The following PDCD1LG2 variants were observed in gnomAD, a reference collection of about 807,000 sequenced individuals.
PDCD1LG2 encodes the protein B7 dendritic cell molecule.
In PDCD1LG2, 32 loss-of-function variants were observed where a neutral mutation model predicts 28.2. The observed-to-expected ratio is 1.13, with a 90% CI of 0.86 to 1.52. The LOEUF (loss-of-function observed/expected upper bound fraction) is 1.52, where lower values mean the gene tolerates loss of function less well. Among genes scored for constraint, PDCD1LG2 ranks in the 40% most tolerant of loss-of-function variants. The pLI is 0.00. For missense variants in PDCD1LG2, 385 were observed against 323.8 expected, an observed-to-expected ratio of 1.19 and a Z score of -1.45; for synonymous variants, 116 against 120.2, an observed-to-expected ratio of 0.97 and a Z score of 0.23.
intron 3 of PDCD1LG2, among the ~76,000 whole-genome samples, chr9:5,539,021 T>C (rs147783011): frequency 3.5e-4 from 53 of 152,308 alleles, no homozygotes; most frequent in Non-Finnish European, 6.0e-4. Flanking sequence ...TATATACTGT[T>C]GTTAAATATT....
At chr9:5,565,567 C>G (rs1340400172) in intron 6 of PDCD1LG2, among the ~76,000 whole-genome samples, 1 of 152,178 alleles carries the variant, frequency 6.6e-6, no homozygotes, top group Admixed American at 6.6e-5. Flanking sequence ...ATTGTACACA[C>G]AATCTATACC....
rs1816282994 is a variant in PDCD1LG2 at position 5,549,550 on chromosome 9, G to C, written c.577G>C (p.Val193Leu). The C allele has an allele frequency of 1.9e-6, 3 of 1,614,116 alleles. No individual in the cohort carries two copies. The highest frequency in any genetic ancestry group is 2.5e-6 in the Non-Finnish European group (3 of 1,180,048). Residue 193 changes from valine (V) to leucine (L), a missense_variant, in exon 4 of 7, where the codon GTG becomes CTG. Coordinates refer to ENST00000397747, the MANE Select transcript of PDCD1LG2 (RefSeq NM_025239.4). The part of the protein sequence containing the change: ...KPPPGRNFSC[V>L]FWNTHVRELT... ...ACCCCCTGGCAGAAACTTCAGCTGT[G>C]TGTTCTGGAATACTCACGTGAGGGA... is the stretch of plus-strand genomic sequence containing the variant.
Position 5,510,762 on chromosome 9 carries a change from T to C in PDCD1LG2, c.-56T>C, listed in dbSNP as rs1453362358. On this transcript the variant is annotated 5_prime_UTR_variant, in exon 1 of 7. Coordinates refer to ENST00000397747, the MANE Select transcript of PDCD1LG2 (RefSeq NM_025239.4). ...CAAACAGCAACTGTTTTTTGTTGTT[T>C]ACTTTTGCATCTTTACTTGTGGAGC... 2 of 152,682 alleles carry C rather than the reference T, an allele frequency of 1.3e-5. No homozygotes were observed. The highest frequency in any genetic ancestry group is 3.8e-4 in the East Asian group (2 of 5,198). The allele number at this position is 152,682 out of a possible 1,614,324, so 9.5% of individuals were successfully genotyped here. A position where few individuals can be genotyped will look rare whatever the true frequency, so the allele number is the denominator to read the frequency against.
intron 1 of PDCD1LG2, among the ~76,000 whole-genome samples, chr9:5,512,900 G>C (rs1377884914): frequency 6.6e-6 from 1 of 151,906 alleles, no homozygotes; most frequent in African/African-American, 2.4e-5. Flanking sequence ...TCTTGTGCAT[G>C]GCTGATCAGC....
At chr9:5,543,538 C>CAAAAAAAAAAAAAAAAAAAAAAAAAAA (rs139524609) in intron 3 of PDCD1LG2, among the ~76,000 whole-genome samples, 1 of 73,692 alleles carries the variant, frequency 1.4e-5, no homozygotes. Context: ...GACTCCGTCT[C>CAAAAAAAAAAAAAAAAAAAAAAAAAAA]AAAAAAAAAA....
intron 2 of PDCD1LG2, among the ~76,000 whole-genome samples, chr9:5,525,973 G>C (rs1040398803): frequency 6.6e-6 from 1 of 151,384 alleles, no homozygotes; most frequent in African/African-American, 2.4e-5. Context: ...CTTGAACCAG[G>C]GAGTCGGAGG....
At chr9:5,530,097 G>C (rs1004941611) in intron 2 of PDCD1LG2, among the ~76,000 whole-genome samples, 1 of 152,086 alleles carries the variant, frequency 6.6e-6, no homozygotes, top group African/African-American at 2.4e-5. Flanking sequence ...GCTATCTTGG[G>C]AGGTAATGCA....
chr9:5,516,823 G>A (rs531002763), intron 1 of PDCD1LG2, among the ~76,000 whole-genome samples: 27 of 152,352 alleles, frequency 1.8e-4, no homozygotes, highest in East Asian at 9.6e-4. Flanking sequence ...GCCAGGAGTG[G>A]GAAGAGGCCA....
At chr9:5,536,646 G>C (rs181950663) in intron 3 of PDCD1LG2, among the ~76,000 whole-genome samples, 75 of 152,276 alleles carry the variant, frequency 4.9e-4, no homozygotes, top group Non-Finnish European at 8.7e-4. Flanking sequence ...CTCTCAAACT[G>C]AGAACTGTCT....
chr9:5,520,462 G>T (rs774914812), intron 1 of PDCD1LG2, among the ~76,000 whole-genome samples: 1 of 152,102 alleles, frequency 6.6e-6, no homozygotes, highest in Non-Finnish European at 1.5e-5. Context: ...TTTGTATATG[G>T]TATGAGGTAA....
At chr9:5,555,125 C>T (rs1563832222) in intron 4 of PDCD1LG2, among the ~76,000 whole-genome samples, 1 of 152,096 alleles carries the variant, frequency 6.6e-6, no homozygotes, top group Non-Finnish European at 1.5e-5. Flanking sequence ...TAAGAGTATG[C>T]CATTATTGGC....
intron 3 of PDCD1LG2, among the ~76,000 whole-genome samples, chr9:5,540,842 A>T (rs1820673655): frequency 6.6e-6 from 1 of 152,180 alleles, no homozygotes; most frequent in African/African-American, 2.4e-5. Flanking sequence ...AGAAAGAGGG[A>T]ATCCTCCCTA....
chr9:5,566,854 ATATACT>A (rs1180718191), intron 6 of PDCD1LG2, among the ~76,000 whole-genome samples: 2 of 152,192 alleles, frequency 1.3e-5, no homozygotes, highest in African/African-American at 4.8e-5. Context: ...CAAAATAAAA[ATATACT>A]TATGTATCAT....
At chr9:5,556,925 C>T (rs1238186955) in intron 4 of PDCD1LG2, among the ~76,000 whole-genome samples, 1 of 152,186 alleles carries the variant, frequency 6.6e-6, no homozygotes, top group African/African-American at 2.4e-5. Flanking sequence ...CTGATCCACC[C>T]TCTACTAAAC....
At chr9:5,564,052 AG>A (rs1450860197) in intron 6 of PDCD1LG2, among the ~76,000 whole-genome samples, 1 of 152,256 alleles carries the variant, frequency 6.6e-6, no homozygotes, top group Non-Finnish European at 1.5e-5. Context: ...TAATCATCAC[AG>A]GCACCAAGAG....
At chr9:5,515,644 G>C (rs1205397128) in intron 1 of PDCD1LG2, among the ~76,000 whole-genome samples, 2 of 152,148 alleles carry the variant, frequency 1.3e-5, no homozygotes, top group East Asian at 3.9e-4. Context: ...GGAGACACAA[G>C]CCAGGCACAG....
intron 2 of PDCD1LG2, among the ~76,000 whole-genome samples, chr9:5,531,862 G>A (rs1358726745): frequency 6.6e-6 from 1 of 152,198 alleles, no homozygotes. Context: ...TTATAGAAGA[G>A]TAAAAGTAGT....
chr9:5,555,903 C>T lies in PDCD1LG2; in HGVS notation c.632-1715C>T, dbSNP rs144568265. Reference sequence around the variant, plus strand: ...CATGTGTCCAGCTAATTCCCTAATACTAAAGTTGAAAGAAAGAATGGATTA... The same window carrying T: ...CATGTGTCCAGCTAATTCCCTAATATTAAAGTTGAAAGAAAGAATGGATTA... On this transcript the variant is annotated intron_variant, in intron 4 of 6. Transcript: ENST00000397747. Among the ~76,000 whole-genome samples, 526 of 152,274 alleles carry T rather than the reference C, an allele frequency of 3.5e-3. 2 individuals carry two copies. Among genetic ancestry groups the T allele is most frequent in the Non-Finnish European group, 5.9e-3 (400 of 68,018 alleles).
chr9:5,563,223 T>C lies in PDCD1LG2; in HGVS notation c.816+12T>C, dbSNP rs752618279. ...AAGTGAACAGTGCTGTGAGTAAGCATGATTTTTACTTTTCTTTCTTACTTT... is the reference window on the plus strand; with the variant it reads ...AAGTGAACAGTGCTGTGAGTAAGCACGATTTTTACTTTTCTTTCTTACTTT... On this transcript the variant is annotated intron_variant, in intron 6 of 6. Transcript: ENST00000397747. 3 of 1,603,370 alleles carry C rather than the reference T, an allele frequency of 1.9e-6. No individual in the cohort carries two copies. Among genetic ancestry groups the C allele is most frequent in the Non-Finnish European group, 1.7e-6 (2 of 1,171,754 alleles).
Sources: allele counts gnomAD v4.1 joint callset (sites outside exome capture counted in the v4.1 genomes callset), GRCh38; gene constraint gnomAD v4.1.1; transcripts MANE v1.5; gene names NCBI Gene and HGNC (gene_info 2026-07-23, HGNC 2026-07-21).